The following TMED5 variants were observed in gnomAD, a reference collection of about 807,000 sequenced individuals.
TMED5 encodes transmembrane p24 trafficking protein 5.
TMED5 carries 27 observed loss-of-function variants against 23.0 expected under a neutral mutation model. The observed-to-expected ratio is 1.17, with a 90% CI of 0.86 to 1.62. TMED5 has a LOEUF of 1.62. Ranked by LOEUF, TMED5 falls within the 40% of genes most tolerant of loss-of-function variation. The pLI, the probability that TMED5 is intolerant of heterozygous loss-of-function variation, is 0.00. For missense variants in TMED5, 248 were observed against 273.7 expected, an observed-to-expected ratio of 0.91 and a Z score of 0.66; for synonymous variants, 97 against 100.8, an observed-to-expected ratio of 0.96 and a Z score of 0.23.
At chr1:93,155,708 GGGC>G (rs1648050618) in intron 3 of TMED5, among the ~76,000 whole-genome samples, 1 of 151,850 alleles carries the variant, frequency 6.6e-6, no homozygotes, top group Non-Finnish European at 1.5e-5. Context: ...GCCTTGAACT[GGGC>G]TCAAATGATC....
At chr1:93,171,578 C>G (rs1388048927) in intron 1 of TMED5, among the ~76,000 whole-genome samples, 1 of 152,190 alleles carries the variant, frequency 6.6e-6, no homozygotes, top group Non-Finnish European at 1.5e-5. Flanking sequence ...TAACCTCCCC[C>G]AAAAGAAAGG....
At position 93,180,388 on chromosome 1, in the gene TMED5, C is replaced by T; in HGVS notation, c.-146G>A. 8.0e-7 allele frequency: 1 copy of T among 1,245,298 alleles called. No homozygotes were observed. The highest frequency in any genetic ancestry group is 1.1e-6 in the Non-Finnish European group (1 of 905,804). The allele number at this position is 1,245,298 out of a possible 1,614,324, so 77.1% of individuals were successfully genotyped here. On this transcript the variant is annotated 5_prime_UTR_variant, in exon 1 of 4. Transcript: ENST00000370282. ...GCGGCCGCGGCGGCGGCGAACACTC[C>T]CTCCGAAAGAGAAGCGCAGTTCTCC...
chr1:93,154,896 T>A lies in TMED5; in HGVS notation c.472-8A>T, dbSNP rs916233236. 2 of 1,536,836 alleles carry A rather than the reference T, an allele frequency of 1.3e-6. No homozygotes were observed. Among genetic ancestry groups the A allele is most frequent in the African/African-American group, 2.8e-5 (2 of 72,282 alleles). ...GATGCTGTTGATGGATTCCTGGAGA[T>A]AAATAAAATAATTTTATTATTAAAG... is the stretch of plus-strand genomic sequence containing the variant. On this transcript the variant is annotated splice_region_variant and splice_polypyrimidine_tract_variant and intron_variant, in intron 3 of 3. Coordinates refer to ENST00000370282, the MANE Select transcript of TMED5 (RefSeq NM_016040.5).
intron 1 of TMED5, among the ~76,000 whole-genome samples, chr1:93,179,411 A>C (rs1219702849): frequency 6.6e-6 from 1 of 151,994 alleles, no homozygotes; most frequent in South Asian, 2.1e-4. Flanking sequence ...AATGCTTACA[A>C]TGCTCAATGA....
In TMED5 at chr1:93,156,446, C is replaced by T. The variant is rs1372879018; in HGVS notation, c.325G>A (p.Asp109Asn). 1.9e-6 allele frequency: 3 copies of T among 1,613,686 alleles called. No homozygotes were observed. Among genetic ancestry groups the T allele is most frequent in the Non-Finnish European group, 2.5e-6 (3 of 1,179,886 alleles). The change falls in exon 3 of 4, where the codon GAC (aspartate) becomes AAC (asparagine). Residue 109 changes from aspartate to asparagine, a missense_variant. Physicochemically the swap from Asp to Asn is conservative, Grantham distance 23. Coordinates refer to ENST00000370282, the MANE Select transcript of TMED5 (RefSeq NM_016040.5). ...TEVGDYMFCFDNTFSTISEKV... is the reference protein window; with the variant it reads ...TEVGDYMFCFNNTFSTISEKV... ...TCAGAAATGGTGCTGAATGTATTGTCAAAGCAGAACATGTAATCACCAACT... is the reference window on the plus strand; with the variant it reads ...TCAGAAATGGTGCTGAATGTATTGTTAAAGCAGAACATGTAATCACCAACT...
intron 1 of TMED5, among the ~76,000 whole-genome samples, chr1:93,178,642 A>C (rs536741118): frequency 6.6e-6 from 1 of 152,126 alleles, no homozygotes; most frequent in Non-Finnish European, 1.5e-5. Context: ...TGTTCAGTAA[A>C]TGTTGAACTT....
Position 93,171,899 on chromosome 1 carries a change from A to G in TMED5, c.189+8155T>C, listed in dbSNP as rs193215427. ...TGTTCCAAGTATATAAGCCTGGCTCAACATTCATGAATTATTTTGTGTAAT... is the reference window on the plus strand; with the variant it reads ...TGTTCCAAGTATATAAGCCTGGCTCGACATTCATGAATTATTTTGTGTAAT... On this transcript the variant is annotated intron_variant, in intron 1 of 3. Transcript: ENST00000370282. Among the ~76,000 whole-genome samples the G allele has an allele frequency of 8.5e-5, 13 of 152,360 alleles. No homozygotes were observed. In the East Asian group the frequency reaches 2.3e-3, roughly 27 times the overall value.
chr1:93,179,322 A>G (rs936122357), intron 1 of TMED5, among the ~76,000 whole-genome samples: 1 of 148,366 alleles, frequency 6.7e-6, no homozygotes, highest in Non-Finnish European at 1.5e-5. Flanking sequence ...AGATAGCGCC[A>G]CTGCACTCCA....
chr1:93,167,801 G>A (rs769606163), intron 1 of TMED5, among the ~76,000 whole-genome samples: 4 of 152,108 alleles, frequency 2.6e-5, no homozygotes, highest in Admixed American at 1.3e-4. Flanking sequence ...TTGAATGACC[G>A]TGGTGAAAGT....
intron 2 of TMED5, among the ~76,000 whole-genome samples, chr1:93,158,285 C>T (rs2101130070): frequency 6.6e-6 from 1 of 152,218 alleles, no homozygotes; most frequent in East Asian, 1.9e-4. Flanking sequence ...ATAATATTTA[C>T]GTCATAGGAC....
intron 1 of TMED5, among the ~76,000 whole-genome samples, chr1:93,173,883 A>C (rs2101164378): frequency 6.6e-6 from 1 of 152,326 alleles, no homozygotes; most frequent in South Asian, 2.1e-4. Context: ...TGTTTTTATG[A>C]GTATGGGAAA....
intron 1 of TMED5, among the ~76,000 whole-genome samples, chr1:93,171,048 C>T (rs563013123): frequency 6.6e-6 from 1 of 152,306 alleles, no homozygotes; most frequent in Non-Finnish European, 1.5e-5. Flanking sequence ...TGTTCTCTTG[C>T]TCTTTGCAAT....
Position 93,154,207 on chromosome 1 carries a change from A to G in TMED5, c.*463T>C, listed in dbSNP as rs557159594. The G allele has an allele frequency of 6.4e-6, 1 of 155,700 alleles. No individual in the cohort carries two copies. Among genetic ancestry groups the G allele is most frequent in the Admixed American group, 6.4e-5 (1 of 15,526 alleles). 9.6% of individuals were successfully genotyped at this position (155,700 alleles called of 1,614,324 possible). ...GAGAAAAGTTGGGCTTTTGTAGTCT[A>G]AAGATTTATTCAATCCATCATTAGG... On this transcript the variant is annotated 3_prime_UTR_variant, in exon 4 of 4. Transcript: ENST00000370282.
At chr1:93,161,166 GATTA>G (rs1648261510) in intron 1 of TMED5, 1 of 151,914 alleles carries the variant, frequency 6.6e-6, no homozygotes, top group South Asian at 2.1e-4. Flanking sequence ...GCTTTATGTG[GATTA>G]ATTTATTCCT....
rs943394643 is a variant in TMED5, at chr1:93,175,240, T to C, written c.189+4814A>G. 1.5e-4 allele frequency among the ~76,000 whole-genome samples: 21 copies of C among 142,188 alleles called. 1 individual carries two copies. The highest frequency in any genetic ancestry group is 1.5e-3 in the Admixed American group (21 of 14,290). The allele number at this position is 142,188 out of a possible 152,430, so 93.3% of individuals were successfully genotyped here. A position where few individuals can be genotyped will look rare whatever the true frequency, so the allele number is the denominator to read the frequency against. On this transcript the variant is annotated intron_variant, in intron 1 of 3. Coordinates refer to ENST00000370282, the MANE Select transcript of TMED5 (RefSeq NM_016040.5). ...GGTATCTTTCACTCTTCTTCCTTAG[T>C]ATCTTGGCACATGTTGTGCCTTCTA...
At chr1:93,155,268 T>C (rs539882357) in intron 3 of TMED5, among the ~76,000 whole-genome samples, 1 of 152,316 alleles carries the variant, frequency 6.6e-6, no homozygotes, top group African/African-American at 2.4e-5. Flanking sequence ...ATGTTTTTTA[T>C]CCAAACACAA....
intron 2 of TMED5, among the ~76,000 whole-genome samples, chr1:93,157,567 T>G (rs146118890): frequency 6.6e-6 from 1 of 151,966 alleles, no homozygotes; most frequent in African/African-American, 2.4e-5. Context: ...TCTACAAAAA[T>G]TAAAAAATTA....
intron 1 of TMED5, among the ~76,000 whole-genome samples, chr1:93,177,522 G>GGCCAAGGTCGCGCCACTGCACTCCAGCCT (rs1648959013): frequency 1.3e-5 from 2 of 148,768 alleles, no homozygotes; most frequent in African/African-American, 2.5e-5. Flanking sequence ...GGTTGCTGTG[G>GGCCAAGGTCGCGCCACTGCACTCCAGCCT]GCCAAGGTCG....
At chr1:93,167,148 A>G (rs916498613) in intron 1 of TMED5, among the ~76,000 whole-genome samples, 7 of 152,068 alleles carry the variant, frequency 4.6e-5, no homozygotes, top group Admixed American at 2.6e-4. Flanking sequence ...GCACCATGCC[A>G]TTTTGGTTAC....
Sources: gnomAD v4.1 joint callset for allele counts (sites outside exome capture counted in the v4.1 genomes callset) on GRCh38, gnomAD v4.1.1 for gene constraint, MANE v1.5 for transcripts, NCBI Gene and HGNC (gene_info 2026-07-23, HGNC 2026-07-21) for gene names.